CNTN1: variants seen among roughly 807,000 people sequenced by gnomAD.
CNTN1 encodes contactin 1.
In CNTN1, 38 loss-of-function variants were observed where a neutral mutation model predicts 126.4. That is an observed-to-expected ratio of 0.30 (90% CI 0.23 to 0.39). The LOEUF is 0.39. CNTN1 is among the 10% of genes least tolerant of loss of function. The pLI, the probability that CNTN1 is intolerant of heterozygous loss-of-function variation, is 1.00. For synonymous variants in CNTN1, 413 were observed against 422.6 expected (o/e 0.98, Z 0.28); for missense variants, 1,009 against 1,248.4 (o/e 0.81, Z 2.89).
intron 1 of CNTN1, among the ~76,000 whole-genome samples, chr12:40,703,987 T>G (rs1332223206): frequency 6.6e-6 from 1 of 152,146 alleles, no homozygotes; most frequent in Non-Finnish European, 1.5e-5. Context: ...AATTGTTCTA[T>G]GCAGAGGACA....
intron 14 of CNTN1, among the ~76,000 whole-genome samples, chr12:40,944,518 T>C (rs1288115932): frequency 6.6e-6 from 1 of 152,080 alleles, no homozygotes; most frequent in Non-Finnish European, 1.5e-5. Context: ...AGCATAGAAC[T>C]TAATCTTTGT....
chr12:41,044,845 G>T (rs1949506604), intron 23 of CNTN1, among the ~76,000 whole-genome samples: 1 of 152,010 alleles, frequency 6.6e-6, no homozygotes, highest in African/African-American at 2.4e-5. Flanking sequence ...ATTTTTCTGA[G>T]TATTGGGTAT....
chr12:40,913,459 T>A (rs769690475), intron 3 of CNTN1, among the ~76,000 whole-genome samples: 1 of 152,170 alleles, frequency 6.6e-6, no homozygotes, highest in Non-Finnish European at 1.5e-5. Flanking sequence ...ATTTTAGTCT[T>A]TTGAAATTTT....
chr12:40,731,840 A>C lies in CNTN1; in HGVS notation c.-77+39248A>C, dbSNP rs1181005976. Among the ~76,000 whole-genome samples, 4 of 152,134 alleles carry C rather than the reference A, an allele frequency of 2.6e-5. No homozygotes were observed. In the East Asian group the frequency reaches 7.7e-4, roughly 29 times the overall value. On this transcript the variant is annotated intron_variant, in intron 1 of 23. Transcript: ENST00000551295. ...CATATTTAAATATCCCAGTAATTTAACTGTGGTTATCTCTGACTGGGGCTC... is the reference window on the plus strand; with the variant it reads ...CATATTTAAATATCCCAGTAATTTACCTGTGGTTATCTCTGACTGGGGCTC...
intron 1 of CNTN1, among the ~76,000 whole-genome samples, chr12:40,772,849 A>C (rs1419219019): frequency 6.6e-6 from 1 of 151,908 alleles, no homozygotes; most frequent in Non-Finnish European, 1.5e-5. Flanking sequence ...AGTGAGACTA[A>C]AAAGATTGTA....
intron 1 of CNTN1, among the ~76,000 whole-genome samples, chr12:40,844,077 T>TTTTTTTTTTTTTTTTTTTTTTTTC (rs1942402134): frequency 7.9e-6 from 1 of 126,724 alleles, no homozygotes; most frequent in Non-Finnish European, 1.7e-5. Context: ...TGATTTTTTT[T>TTTTTTTTTTTTTTTTTTTTTTTTC]TTTTTTTTGA....
chr12:40,703,607 C>A (rs1941657306), intron 1 of CNTN1, among the ~76,000 whole-genome samples: 1 of 152,174 alleles, frequency 6.6e-6, no homozygotes, highest in South Asian at 2.1e-4. Context: ...TAGGCAGGTG[C>A]CTGTTTCTCA....
chr12:40,931,435 C>T (rs998171027), intron 7 of CNTN1, among the ~76,000 whole-genome samples: 1 of 151,914 alleles, frequency 6.6e-6, no homozygotes. Context: ...CCCACTTACA[C>T]ATTTTCAACA....
chr12:40,848,870 G>T (rs1454093833), intron 1 of CNTN1, among the ~76,000 whole-genome samples: 3 of 149,132 alleles, frequency 2.0e-5, no homozygotes, highest in Admixed American at 2.0e-4. Flanking sequence ...TGGTTATAAA[G>T]GAGAAAAATC....
chr12:40,984,696 G>A (rs1338824675), intron 16 of CNTN1, among the ~76,000 whole-genome samples: 1 of 152,050 alleles, frequency 6.6e-6, no homozygotes, highest in Non-Finnish European at 1.5e-5. Flanking sequence ...GATTTAGAGT[G>A]GACAAATATA....
intron 1 of CNTN1, among the ~76,000 whole-genome samples, chr12:40,875,769 A>G (rs896905733): frequency 6.6e-6 from 1 of 152,070 alleles, no homozygotes; most frequent in Admixed American, 6.6e-5. Flanking sequence ...CTGTTGAAGG[A>G]TATCTGGATT....
At chr12:40,893,101 TGTAA>T (rs1184141025) in intron 1 of CNTN1, among the ~76,000 whole-genome samples, 1 of 152,050 alleles carries the variant, frequency 6.6e-6, no homozygotes, top group East Asian at 1.9e-4. Context: ...TCACATAAAA[TGTAA>T]GTAAGTATAT....
intron 1 of CNTN1, among the ~76,000 whole-genome samples, chr12:40,806,723 A>C (rs980431977): frequency 1.4e-4 from 21 of 152,090 alleles, no homozygotes; most frequent in Non-Finnish European, 2.6e-4. Flanking sequence ...TTAAAATTTT[A>C]GCTCATTAAG....
rs1948790247 is a variant in CNTN1, at chr12:41,016,767, T to C, written c.2270T>C (p.Val757Ala). The part of the protein sequence containing the change: ...KPFDGEEWKK[V>A]TVTNPDTGRY... The stretch of plus-strand genomic sequence containing the variant: ...TTTGATGGAGAAGAATGGAAAAAAG[T>C]CACAGTTACTAATCCTGATACTGGC... Residue 757 changes from valine to alanine, a missense_variant, in exon 19 of 24, where the codon GTC becomes GCC. Transcript: ENST00000551295. 6.2e-7 allele frequency: 1 copy of C among 1,614,004 alleles called. No individual in the cohort carries two copies. Among genetic ancestry groups the C allele is most frequent in the Non-Finnish European group, 8.5e-7 (1 of 1,180,008 alleles).
At chr12:41,045,020 G>T (rs1949510369) in intron 23 of CNTN1, among the ~76,000 whole-genome samples, 1 of 151,888 alleles carries the variant, frequency 6.6e-6, no homozygotes, top group Non-Finnish European at 1.5e-5. Flanking sequence ...TTTATATGAA[G>T]AATTTTAATT....
chr12:40,881,594 G>A (rs1363794016), intron 1 of CNTN1, among the ~76,000 whole-genome samples: 3 of 151,798 alleles, frequency 2.0e-5, no homozygotes, highest in South Asian at 2.1e-4. Context: ...CCTATTTTGG[G>A]TATCACAGCT....
At chr12:40,767,556 C>T (rs1939159680) in intron 1 of CNTN1, among the ~76,000 whole-genome samples, 1 of 152,028 alleles carries the variant, frequency 6.6e-6, no homozygotes, top group Non-Finnish European at 1.5e-5. Flanking sequence ...GATCCGCCCG[C>T]CTTGGCCTCC....
chr12:40,720,167 G>C (rs1291656248), intron 1 of CNTN1, among the ~76,000 whole-genome samples: 1 of 151,656 alleles, frequency 6.6e-6, no homozygotes, highest in Non-Finnish European at 1.5e-5. Context: ...GGCTTTCTTA[G>C]ACTTGTCTAC....
chr12:41,061,441 A>C (rs2121108264), intron 23 of CNTN1, among the ~76,000 whole-genome samples: 1 of 152,274 alleles, frequency 6.6e-6, no homozygotes, highest in East Asian at 1.9e-4. Flanking sequence ...CTGCCAAACA[A>C]ACAAAGATCT....
Sources: gnomAD v4.1 joint callset for allele counts (sites outside exome capture counted in the v4.1 genomes callset) on GRCh38, gnomAD v4.1.1 for gene constraint, MANE v1.5 for transcripts, NCBI Gene and HGNC (gene_info 2026-07-23, HGNC 2026-07-21) for gene names.